C6orf89: variants seen among roughly 807,000 people sequenced by gnomAD.
C6orf89 encodes the protein bombesin receptor-activated protein C6orf89.
A neutral mutation model predicts 40.7 loss-of-function variants in C6orf89; 29 were observed. The ratio of observed to expected loss-of-function variants is 0.71; its 90% confidence interval spans 0.53 to 0.97. The LOEUF (loss-of-function observed/expected upper bound fraction) is 0.97. C6orf89 is among the 50% of genes least tolerant of loss of function. The probability of loss-of-function intolerance (pLI) is 0.00; values close to 1 mark genes in which losing one functional copy is unlikely to be tolerated. For missense variants in C6orf89, 392 were observed against 429.1 expected (o/e 0.91, Z 0.76); for synonymous variants, 165 against 152.2 (o/e 1.08, Z -0.62).
chr6:36,882,561 A>G (rs981167045), upstream of C6orf89, among the ~76,000 whole-genome samples: 3 of 152,222 alleles, frequency 2.0e-5, no homozygotes, highest in South Asian at 6.2e-4. Context: ...CAAATTTAAT[A>G]TATTGATGTG....
At chr6:36,899,690 C>A in intron 3 of C6orf89, 57 bp downstream of exon 3, 1 of 1,522,960 alleles carries the variant, frequency 6.6e-7, no homozygotes, top group South Asian at 1.1e-5. Flanking sequence ...GTTCAACATT[C>A]TTCACAAATG....
chr6:36,892,442 A>G (rs1004557006), intron 1 of C6orf89, among the ~76,000 whole-genome samples: 4 of 152,156 alleles, frequency 2.6e-5, no homozygotes, highest in African/African-American at 4.8e-5. Context: ...TCTGGCCTCA[A>G]GTGATCCTCC....
intron 1 of C6orf89, among the ~76,000 whole-genome samples, chr6:36,890,076 A>G (rs1315194273): frequency 1.3e-5 from 2 of 152,234 alleles, no homozygotes; most frequent in East Asian, 1.9e-4. Flanking sequence ...CATCACCATG[A>G]TCCATGCCAT....
intron 2 of C6orf89, 35 bp downstream of exon 2, chr6:36,894,638 G>C: frequency 1.2e-6 from 1 of 834,036 alleles, no homozygotes; most frequent in Non-Finnish European, 1.4e-6. Context: ...CCTGAAGTCA[G>C]GACACTTGGG....
intron 4 of C6orf89, among the ~76,000 whole-genome samples, chr6:36,912,807 C>A (rs1481303761): frequency 2.0e-5 from 3 of 152,196 alleles, no homozygotes; most frequent in Non-Finnish European, 4.4e-5. Context: ...ACGGTCTTTC[C>A]CTGACGAGGA....
At chr6:36,901,973 T>G (rs1293247971) in intron 3 of C6orf89, among the ~76,000 whole-genome samples, 1 of 152,246 alleles carries the variant, frequency 6.6e-6, no homozygotes, top group African/African-American at 2.4e-5. Flanking sequence ...GCCCAGCCTG[T>G]GTATTTTTAA....
At chr6:36,876,724 C>CAAAAAAAAAA (rs71540176) in intron 1 of C6orf89, among the ~76,000 whole-genome samples, 2 of 92,214 alleles carry the variant, frequency 2.2e-5, no homozygotes, top group African/African-American at 4.2e-5. Flanking sequence ...AACTCCATCT[C>CAAAAAAAAAA]AAAAAAAAAA....
rs1048134010 is a variant in C6orf89 at position 36,902,433 on chromosome 6, A to G, written c.402A>G (p.Pro134=). The G allele has an allele frequency of 6.2e-7, 1 of 1,613,128 alleles. No homozygotes were observed. Among genetic ancestry groups the G allele is most frequent in the South Asian group, 1.1e-5 (1 of 91,038 alleles). Residue 134 remains proline, a splice_region_variant and synonymous_variant, in exon 4 of 9, where the codon CCA becomes CCG. Transcript: ENST00000480824. ...LHGGDEDRPF[P]DFDPWWTNDC... is the part of the protein sequence containing the mutation. ...GGGGTGATGAAGACAGACCCTTTCCAGGTAAAATGCAACATTTATTACTTA... is the reference window on the plus strand; with the variant it reads ...GGGGTGATGAAGACAGACCCTTTCCGGGTAAAATGCAACATTTATTACTTA...
intron 6 of C6orf89, 48 bp from the exon 7 acceptor site, chr6:36,916,397 C>T: frequency 6.2e-7 from 1 of 1,608,680 alleles, no homozygotes; most frequent in Non-Finnish European, 8.5e-7. Context: ...TAGTCATGGG[C>T]TGGCTTGACC....
intron 4 of C6orf89, among the ~76,000 whole-genome samples, chr6:36,911,444 C>G (rs891167307): frequency 6.6e-6 from 1 of 151,714 alleles, no homozygotes; most frequent in Non-Finnish European, 1.5e-5. Flanking sequence ...GAGCCGAGAT[C>G]GCGCCACTGC....
chr6:36,885,958 T>C lies in C6orf89; in HGVS notation c.-190T>C. ...GGGTCGCGCTCCCGGAAACAGGAAGTTGCCCATCCTCCTCGCCCGGCGGCA... is the reference window on the plus strand; with the variant it reads ...GGGTCGCGCTCCCGGAAACAGGAAGCTGCCCATCCTCCTCGCCCGGCGGCA... On this transcript the variant is annotated 5_prime_UTR_variant, in exon 1 of 9. Transcript: ENST00000480824. 1.6e-6 allele frequency: 2 copies of C among 1,265,120 alleles called. No individual in the cohort carries two copies. Among genetic ancestry groups the C allele is most frequent in the Non-Finnish European group, 2.0e-6 (2 of 1,000,248 alleles). 78.4% of individuals were successfully genotyped at this position (1,265,120 alleles called of 1,614,324 possible). A position where few individuals can be genotyped will look rare whatever the true frequency, so the allele number is the denominator to read the frequency against.
upstream of C6orf89, among the ~76,000 whole-genome samples, chr6:36,881,294 A>G (rs1221455800): frequency 6.6e-6 from 1 of 152,212 alleles, no homozygotes. Context: ...AGGAATGTAA[A>G]TTTTTGCCTA....
upstream of C6orf89, among the ~76,000 whole-genome samples, chr6:36,881,836 GA>G (rs910379334): frequency 3.3e-5 from 5 of 149,980 alleles, no homozygotes; most frequent in Admixed American, 1.3e-4. Flanking sequence ...TCTGCTCTGA[GA>G]AAAAAAATAG....
chr6:36,917,507 A>T (rs1330704072), intron 7 of C6orf89, among the ~76,000 whole-genome samples: 1 of 152,216 alleles, frequency 6.6e-6, no homozygotes, highest in Non-Finnish European at 1.5e-5. Flanking sequence ...AATTAAAAGC[A>T]TGCATTTTCC....
chr6:36,900,290 C>A (rs1299885583), intron 3 of C6orf89, among the ~76,000 whole-genome samples: 3 of 151,652 alleles, frequency 2.0e-5, no homozygotes. Context: ...CAACCTCCGC[C>A]TCCCAGGTTC....
chr6:36,908,172 T>C (rs1351332748), intron 4 of C6orf89, among the ~76,000 whole-genome samples: 2 of 152,226 alleles, frequency 1.3e-5, no homozygotes, highest in Non-Finnish European at 2.9e-5. Context: ...AGTTCTTTCT[T>C]TTAAAGTTTG....
upstream of C6orf89, among the ~76,000 whole-genome samples, chr6:36,884,415 A>C (rs998484697): frequency 2.0e-5 from 3 of 152,176 alleles, no homozygotes; most frequent in Non-Finnish European, 4.4e-5. The surrounding 1 kb of genome is among the most constrained non-coding windows in gnomAD (Gnocchi z 4.0). Context: ...AGCATACTCC[A>C]AACTCTTGCT....
chr6:36,876,461 G>A (rs574784319), intron 1 of C6orf89, among the ~76,000 whole-genome samples: 1 of 152,200 alleles, frequency 6.6e-6, no homozygotes, highest in South Asian at 2.1e-4. Flanking sequence ...TGCAGTGGCT[G>A]ACACCTGTAA....
Position 36,886,038 on chromosome 6 carries a change from TG to T in C6orf89, c.-120+14del, listed in dbSNP as rs1774969747. On this transcript the variant is annotated intron_variant, in intron 1 of 8. Coordinates refer to ENST00000480824, the MANE Select transcript of C6orf89 (RefSeq NM_001286635.2). ...GGCGCGAGCCCCGCATGTGAGTGAC[TG>T]GGGCCCGAGGCTGGGTGGGGGGAGG... is the stretch of plus-strand genomic sequence containing the variant. 4 of 1,252,526 alleles carry T rather than the reference TG, an allele frequency of 3.2e-6. No individual in the cohort carries two copies. The highest frequency in any genetic ancestry group is 3.1e-5 in the African/African-American group (2 of 64,340). The allele number at this position is 1,252,526 out of a possible 1,614,324, so 77.6% of individuals were successfully genotyped here. A position where few individuals can be genotyped will look rare whatever the true frequency, so the allele number is the denominator to read the frequency against.
Sources: gnomAD v4.1 joint callset for allele counts (sites outside exome capture counted in the v4.1 genomes callset) on GRCh38, gnomAD v4.1.1 for gene constraint, Gnocchi (gnomAD v3.1) non-coding constraint, MANE v1.5 for transcripts, NCBI Gene and HGNC (gene_info 2026-07-23, HGNC 2026-07-21) for gene names.